The following GON4L variants were observed in gnomAD, a reference collection of about 807,000 sequenced individuals.
GON4L encodes the protein gon-4 like, also known as GON-4-like protein.
Under a neutral mutation model 211.8 loss-of-function variants are expected in GON4L, and 87 were observed. The observed-to-expected ratio is 0.41, with a 90% CI of 0.35 to 0.49. GON4L has a LOEUF of 0.49. Among genes scored for constraint, GON4L ranks in the 20% least tolerant of loss-of-function variants. The pLI is 0.15. For synonymous variants in GON4L, 875 were observed against 962.6 expected (o/e 0.91, Z 1.68); for missense variants, 2,155 against 2,659.5 (o/e 0.81, Z 4.17).
At chr1:155,836,417 T>C (rs1163728247) in intron 2 of GON4L, among the ~76,000 whole-genome samples, 2 of 151,950 alleles carry the variant, frequency 1.3e-5, no homozygotes. Context: ...ACCCAGCTAA[T>C]TTTTGTATTT....
At chr1:155,804,468 G>A (rs1666957791) in intron 11 of GON4L, among the ~76,000 whole-genome samples, 1 of 151,840 alleles carries the variant, frequency 6.6e-6, no homozygotes, top group African/African-American at 2.4e-5. Context: ...GGATTCAAAA[G>A]ATTCCTTACC....
At chr1:155,807,405 ATATT>A (rs1477432541) in intron 10 of GON4L, among the ~76,000 whole-genome samples, 1 of 151,958 alleles carries the variant, frequency 6.6e-6, no homozygotes, top group Non-Finnish European at 1.5e-5. Context: ...CTTATTTAAA[ATATT>A]TATTTTAAAA....
intron 13 of GON4L, chr1:155,785,096 CT>C (rs568392127): frequency 1.1e-4 from 61 of 572,492 alleles, no homozygotes; most frequent in African/African-American, 8.0e-4. Flanking sequence ...CAAGAACCCC[CT>C]CAAACAAAAA....
At chr1:155,834,978 A>G (rs867930822) in intron 2 of GON4L, among the ~76,000 whole-genome samples, 1 of 151,848 alleles carries the variant, frequency 6.6e-6, no homozygotes, top group Non-Finnish European at 1.5e-5. Context: ...TGGGAGGTGT[A>G]CCCAACAGCT....
At chr1:155,754,521 GTTGTT>G in intron 27 of GON4L, 33 bp from the exon 28 acceptor site, 5 of 601,080 alleles carry the variant, frequency 8.3e-6, no homozygotes, top group African/African-American at 4.3e-5. Flanking sequence ...TAGCTGCCAA[GTTGTT>G]TTTTTTTTTT....
chr1:155,809,624 C>A (rs1432629121), intron 10 of GON4L, among the ~76,000 whole-genome samples: 2 of 93,442 alleles, frequency 2.1e-5, no homozygotes, highest in African/African-American at 8.7e-5. Flanking sequence ...CTTATATATA[C>A]TTATAAATTA....
chr1:155,783,936 G>T lies in GON4L; in HGVS notation c.1892+50C>A, dbSNP rs371575442. On this transcript the variant is annotated intron_variant, in intron 14 of 31. Coordinates refer to ENST00000368331, the MANE Select transcript of GON4L (RefSeq NM_001282860.2). ...ATTGCAACTTCTGAAAACCTTTTCA[G>T]AAATAAACTTTTCCTCTATTCCAAA... 3.1e-6 allele frequency: 5 copies of T among 1,609,518 alleles called. No individual in the cohort carries two copies. In the African/African-American group the frequency reaches 6.7e-5, roughly 22 times the overall value.
intron 2 of GON4L, among the ~76,000 whole-genome samples, chr1:155,833,683 G>A (rs1199928099): frequency 7.1e-6 from 1 of 139,926 alleles, no homozygotes; most frequent in Admixed American, 7.3e-5. Flanking sequence ...AGGGAAGGAA[G>A]GGGAGGGGAG....
At chr1:155,820,421 T>C (rs1668629299) in intron 6 of GON4L, among the ~76,000 whole-genome samples, 185 bp downstream of exon 6, 1 of 152,194 alleles carries the variant, frequency 6.6e-6, no homozygotes, top group South Asian at 2.1e-4. Flanking sequence ...GCTTCATATC[T>C]ACTAAAATAA....
At chr1:155,822,052 G>A (rs1010825175) in intron 4 of GON4L, among the ~76,000 whole-genome samples, 1 of 152,126 alleles carries the variant, frequency 6.6e-6, no homozygotes, top group Non-Finnish European at 1.5e-5. Context: ...AAGGAAACAG[G>A]AACAGTTTAT....
At position 155,826,840 on chromosome 1, in the gene GON4L, T is replaced by C. The variant is rs1321004371; in HGVS notation, c.694A>G (p.Met232Val). ...EIEDGGLFIP[M>V]EEQDNEESEK... is the part of the protein sequence containing the mutation. The stretch of plus-strand genomic sequence containing the variant: ...TAAAAAGAAAAAGAAAGCCTACCCA[T>C]TGGAATGAAGAGTCCACCATCTTCT... Residue 232 changes from methionine (M) to valine (V), a missense_variant, in exon 3 of 32, where the codon ATG becomes GTG. This residue lies in a region of GON4L where 313 missense variants were observed against 293.2 expected (regional missense o/e 1.07). Coordinates refer to ENST00000368331, the MANE Select transcript of GON4L (RefSeq NM_001282860.2). The C allele has an allele frequency of 3.7e-6, 6 of 1,602,358 alleles. No individual in the cohort carries two copies. The highest frequency in any genetic ancestry group is 5.1e-6 in the Non-Finnish European group (6 of 1,169,694).
chr1:155,848,408 T>G (rs1671454096), intron 2 of GON4L, among the ~76,000 whole-genome samples: 1 of 152,220 alleles, frequency 6.6e-6, no homozygotes. Flanking sequence ...GGTGTACCCA[T>G]TCTTCTCTAC....
chr1:155,798,472 C>T (rs1273191304), intron 11 of GON4L, among the ~76,000 whole-genome samples: 9 of 141,272 alleles, frequency 6.4e-5, no homozygotes, highest in African/African-American at 1.1e-4. Context: ...CACAGAGGGG[C>T]GATCTCGGCT....
chr1:155,814,317 G>T lies in GON4L; in HGVS notation c.1281+13C>A. The T allele has an allele frequency of 6.2e-7, 1 of 1,609,696 alleles. No individual in the cohort carries two copies. Among genetic ancestry groups the T allele is most frequent in the Non-Finnish European group, 8.5e-7 (1 of 1,176,666 alleles). On this transcript the variant is annotated intron_variant, in intron 9 of 31. Coordinates refer to ENST00000368331, the MANE Select transcript of GON4L (RefSeq NM_001282860.2). Reference sequence around the variant, plus strand: ...GTTATGTCTAACATCTCTTTTGTATGATGCCGATTTACCTCTGATAATATG... The same window carrying T: ...GTTATGTCTAACATCTCTTTTGTATTATGCCGATTTACCTCTGATAATATG...
At chr1:155,766,829 T>C (rs1269177711) in intron 20 of GON4L, 120 bp from the exon 21 acceptor site, 2 of 1,480,746 alleles carry the variant, frequency 1.4e-6, no homozygotes, top group East Asian at 2.3e-5. Context: ...GCAGATCACT[T>C]GAGGTCAGGA....
intron 25 of GON4L, 41 bp from the exon 26 acceptor site, chr1:155,757,364 C>T: frequency 1.3e-6 from 2 of 1,585,542 alleles, no homozygotes; most frequent in Admixed American, 3.4e-5. Flanking sequence ...TCTCCAGAGC[C>T]TCTCTAGGCT....
chr1:155,763,810 CT>C, intron 21 of GON4L, among the ~76,000 whole-genome samples: 1 of 152,176 alleles, frequency 6.6e-6, no homozygotes, highest in South Asian at 2.1e-4. Flanking sequence ...CAGGACCAGC[CT>C]CGCCAACATG....
At chr1:155,799,547 C>T (rs1666427204) in intron 11 of GON4L, among the ~76,000 whole-genome samples, 1 of 152,202 alleles carries the variant, frequency 6.6e-6, no homozygotes, top group South Asian at 2.1e-4. Flanking sequence ...CTTACCTTTC[C>T]CAGACCAGTA....
At chr1:155,798,464 C>A (rs1196761822) in intron 11 of GON4L, among the ~76,000 whole-genome samples, 1 of 145,356 alleles carries the variant, frequency 6.9e-6, no homozygotes, top group Non-Finnish European at 1.5e-5. Flanking sequence ...GGCTGGAGCA[C>A]AGAGGGGCGA....
Sources: allele counts gnomAD v4.1 joint callset (sites outside exome capture counted in the v4.1 genomes callset), GRCh38; gene constraint gnomAD v4.1.1; regional missense constraint gnomAD v4.1.1; transcripts MANE v1.5; gene names NCBI Gene and HGNC (gene_info 2026-07-23, HGNC 2026-07-21).